LRCH1: variants seen among roughly 807,000 people sequenced by gnomAD.
LRCH1 encodes the protein leucine-rich repeat and calponin homology domain-containing protein 1.
In LRCH1, 23 loss-of-function variants were observed where a neutral mutation model predicts 94.9. That is an observed-to-expected ratio of 0.24 (90% CI 0.17 to 0.34). The LOEUF (loss-of-function observed/expected upper bound fraction) is 0.34, where lower values mean the gene tolerates loss of function less well. Among genes scored for constraint, LRCH1 ranks in the 10% least tolerant of loss-of-function variants. The pLI is 1.00. For missense variants in LRCH1, 790 were observed against 945.9 expected, an observed-to-expected ratio of 0.84 and a Z score of 2.16; for synonymous variants, 364 against 354.9, an observed-to-expected ratio of 1.03 and a Z score of -0.29.
chr13:46,570,820 T>A (rs2050233096), intron 1 of LRCH1, among the ~76,000 whole-genome samples: 1 of 152,176 alleles, frequency 6.6e-6, no homozygotes, highest in Non-Finnish European at 1.5e-5. Context: ...TTTTGAGAGA[T>A]TTACTTGAGG....
At chr13:46,752,548 C>T (rs1874184269) in exon 19 of LRCH1, 1 of 152,180 alleles carries the variant, frequency 6.6e-6, no homozygotes, top group African/African-American at 2.4e-5. Flanking sequence ...TTCTGTACTG[C>T]ACAAATACCT....
intron 15 of LRCH1, 132 bp downstream of exon 15, chr13:46,712,729 AG>A (rs2138201086): frequency 1.3e-6 from 1 of 756,138 alleles, no homozygotes; most frequent in Non-Finnish European, 2.2e-6. Flanking sequence ...ATCTACAGCT[AG>A]GGGAGGCCAG....
chr13:46,679,544 T>C (rs2051722922), intron 3 of LRCH1, among the ~76,000 whole-genome samples: 1 of 152,238 alleles, frequency 6.6e-6, no homozygotes, highest in South Asian at 2.1e-4. Context: ...ATTACTTCCT[T>C]TGACGTTTTT....
chr13:46,751,352 A>T (rs963669996), exon 19 of LRCH1: 1 of 152,162 alleles, frequency 6.6e-6, no homozygotes, highest in Non-Finnish European at 1.5e-5. Context: ...TTTAGGACAC[A>T]ACTTTTCTGG....
intron 2 of LRCH1, among the ~76,000 whole-genome samples, chr13:46,652,087 T>G (rs2051312382): frequency 2.2e-5 from 3 of 136,716 alleles, no homozygotes; most frequent in East Asian, 2.2e-4. Context: ...TTTTGTTTTG[T>G]TTGTTTTGAG....
intron 19 of LRCH1, among the ~76,000 whole-genome samples, chr13:46,735,466 A>C (rs1296644789): frequency 1.3e-5 from 2 of 152,186 alleles, no homozygotes; most frequent in Non-Finnish European, 2.9e-5. Context: ...AAAACTCATC[A>C]ATGTGTTTTT....
intron 1 of LRCH1, among the ~76,000 whole-genome samples, chr13:46,606,844 AG>A (rs1340651184): frequency 1.3e-5 from 2 of 152,170 alleles, no homozygotes; most frequent in African/African-American, 2.4e-5. Context: ...CTAGGATTAC[AG>A]GTGTGAGCCA....
intron 10 of LRCH1, 54 bp from the exon 11 acceptor site, chr13:46,701,067 G>T: frequency 9.5e-7 from 1 of 1,051,772 alleles, no homozygotes; most frequent in Non-Finnish European, 1.5e-6. Flanking sequence ...GAAATTAGAT[G>T]ATATTCATGT....
Position 46,618,750 on chromosome 13 carries a change from T to C in LRCH1, c.308-31451T>C, listed in dbSNP as rs151101897. ...AAGATAGTGTACTCGGAGGAACTTG[T>C]AGAGATTTTTTTTTTCTTGTAGCTG... On this transcript the variant is annotated intron_variant, in intron 1 of 19. Coordinates refer to ENST00000389797, the MANE Select transcript of LRCH1 (RefSeq NM_001164211.2). 1.2e-3 allele frequency among the ~76,000 whole-genome samples: 190 copies of C among 152,342 alleles called. 2 individuals carry two copies. Among genetic ancestry groups the C allele is most frequent in the African/African-American group, 4.3e-3 (178 of 41,578 alleles).
rs141713261 is a variant in LRCH1 at position 46,579,567 on chromosome 13, C to T, written c.307+25864C>T. Reference sequence around the variant, plus strand: ...TCAGCTGAATTGAGGAATAGGGTTACCAGCTCTTTTCTTGGAGTTTAACAC... The same window carrying T: ...TCAGCTGAATTGAGGAATAGGGTTATCAGCTCTTTTCTTGGAGTTTAACAC... On this transcript the variant is annotated intron_variant, in intron 1 of 19. Transcript: ENST00000389797. Among the ~76,000 whole-genome samples the T allele has an allele frequency of 1.9e-4, 29 of 151,874 alleles. No individual in the cohort carries two copies. In the East Asian group the frequency reaches 2.7e-3, roughly 14 times the overall value.
rs146998648 is a variant in LRCH1 at position 46,597,842 on chromosome 13, C to T, written c.307+44139C>T. 2.1e-3 allele frequency among the ~76,000 whole-genome samples: 320 copies of T among 151,846 alleles called. 1 individual carries two copies. The highest frequency in any genetic ancestry group is 7.5e-3 in the African/African-American group (311 of 41,334). Reference sequence around the variant, plus strand: ...AAAAACAGAAACACACATAAAATGACGTTATAAGTTGGTTGATGAAAATTT... The same window carrying T: ...AAAAACAGAAACACACATAAAATGATGTTATAAGTTGGTTGATGAAAATTT... On this transcript the variant is annotated intron_variant, in intron 1 of 19. Coordinates refer to ENST00000389797, the MANE Select transcript of LRCH1 (RefSeq NM_001164211.2).
At chr13:46,706,033 C>T (rs1009183056) in intron 13 of LRCH1, among the ~76,000 whole-genome samples, 22 of 152,160 alleles carry the variant, frequency 1.4e-4, no homozygotes, top group Admixed American at 1.4e-3. Flanking sequence ...ACCTTATGCC[C>T]CACTGAGGTG....
In LRCH1 at chr13:46,676,387, T is replaced by A. The variant is rs559510592; in HGVS notation, c.580-5354T>A. Among the ~76,000 whole-genome samples, 30 of 152,314 alleles carry A rather than the reference T, an allele frequency of 2.0e-4. No homozygotes were observed. The South Asian group carries it at 6.0e-3, about 31-fold the overall frequency. The stretch of plus-strand genomic sequence containing the variant: ...TCAACCAAAATCATTTCATTATCTC[T>A]GATGTAGCAAATGGACTTTCCTCAT... On this transcript the variant is annotated intron_variant, in intron 3 of 19. Coordinates refer to ENST00000389797, the MANE Select transcript of LRCH1 (RefSeq NM_001164211.2).
intron 17 of LRCH1, 45 bp downstream of exon 17, chr13:46,723,375 T>C: frequency 7.4e-7 from 1 of 1,355,152 alleles, no homozygotes; most frequent in Non-Finnish European, 1.0e-6. Context: ...TTAAGCAACA[T>C]TCTACATTTT....
At chr13:46,609,500 TA>T (rs1208911560) in intron 1 of LRCH1, among the ~76,000 whole-genome samples, 5 of 152,210 alleles carry the variant, frequency 3.3e-5, no homozygotes, top group South Asian at 2.1e-4. Context: ...TAGCTACTGA[TA>T]TTTTTTTTTG....
At chr13:46,560,447 C>T (rs1359824831) in intron 1 of LRCH1, among the ~76,000 whole-genome samples, 1 of 152,002 alleles carries the variant, frequency 6.6e-6, no homozygotes, top group African/African-American at 2.4e-5. Flanking sequence ...TATGGCAATT[C>T]CACCAGTGAT....
chr13:46,706,460 G>A (rs1467024849), intron 13 of LRCH1, among the ~76,000 whole-genome samples: 1 of 152,174 alleles, frequency 6.6e-6, no homozygotes, highest in Non-Finnish European at 1.5e-5. Flanking sequence ...CCAATAGTGG[G>A]ACATTGGAAG....
chr13:46,684,860 A>G (rs1870525589), intron 4 of LRCH1, among the ~76,000 whole-genome samples: 1 of 152,240 alleles, frequency 6.6e-6, no homozygotes, highest in South Asian at 2.1e-4. Context: ...TGAGAGAGGT[A>G]CTGGTTACTA....
chr13:46,695,568 C>T (rs1178294361), intron 9 of LRCH1, among the ~76,000 whole-genome samples: 1 of 152,138 alleles, frequency 6.6e-6, no homozygotes, highest in Non-Finnish European at 1.5e-5. Flanking sequence ...AAAAATTAGC[C>T]CTTTACTGAA....
Sources: gnomAD v4.1 joint callset for allele counts (sites outside exome capture counted in the v4.1 genomes callset) on GRCh38, gnomAD v4.1.1 for gene constraint, MANE v1.5 for transcripts, NCBI Gene and HGNC (gene_info 2026-07-23, HGNC 2026-07-21) for gene names.